KCNB2: variants seen among roughly 807,000 people sequenced by gnomAD.
KCNB2 encodes the protein delayed rectifier potassium channel protein.
Under a neutral mutation model 61.5 loss-of-function variants are expected in KCNB2, and 15 were observed. That is an observed-to-expected ratio of 0.24 (90% CI 0.16 to 0.38). KCNB2 has a LOEUF of 0.38. Ranked by LOEUF, KCNB2 falls within the 10% of genes least tolerant of loss-of-function variation. The probability of loss-of-function intolerance (pLI) is 1.00; values close to 1 mark genes in which losing one functional copy is unlikely to be tolerated. For synonymous variants in KCNB2, 457 were observed against 446.0 expected (o/e 1.02, Z -0.31); for missense variants, 828 against 1,125.2 (o/e 0.74, Z 3.78).
chr8:72,539,421 C>T (rs564201398), intron 1 of KCNB2, among the ~76,000 whole-genome samples: 8 of 152,260 alleles, frequency 5.3e-5, no homozygotes, highest in African/African-American at 1.4e-4. Flanking sequence ...TAATCCCCTC[C>T]CTCTTGCCTT....
chr8:72,591,718 A>G (rs1563532396), intron 2 of KCNB2, among the ~76,000 whole-genome samples: 1 of 152,158 alleles, frequency 6.6e-6, no homozygotes, highest in Non-Finnish European at 1.5e-5. Context: ...CTGAAGGGTA[A>G]TCAGACCAGA....
intron 2 of KCNB2, among the ~76,000 whole-genome samples, chr8:72,708,079 T>C (rs1807262016): frequency 6.6e-6 from 1 of 152,120 alleles, no homozygotes. Context: ...TGTGACACCA[T>C]AGCCCACTGC....
chr8:72,785,440 A>T (rs755957228), intron 2 of KCNB2, among the ~76,000 whole-genome samples: 17 of 152,324 alleles, frequency 1.1e-4, no homozygotes, highest in South Asian at 4.1e-4. Flanking sequence ...CATTGAGGAA[A>T]TAATAAAATA....
intron 2 of KCNB2, among the ~76,000 whole-genome samples, chr8:72,630,532 A>G (rs995108769): frequency 1.3e-4 from 20 of 152,230 alleles, no homozygotes; most frequent in Admixed American, 1.3e-3. Flanking sequence ...AGCAGCTTAA[A>G]CAGCAGAAAT....
chr8:72,757,992 A>C (rs1046769870), intron 2 of KCNB2, among the ~76,000 whole-genome samples: 3 of 152,204 alleles, frequency 2.0e-5, no homozygotes, highest in African/African-American at 7.2e-5. Context: ...TCAAAGGCAT[A>C]ATAAGGAGAC....
intron 2 of KCNB2, among the ~76,000 whole-genome samples, chr8:72,605,858 T>C (rs1485237489): frequency 5.3e-5 from 8 of 152,132 alleles, no homozygotes; most frequent in Non-Finnish European, 7.4e-5. Flanking sequence ...CTTTTTAGGC[T>C]AACTTTTTGA....
Position 72,665,942 on chromosome 8 carries a change from A to G in KCNB2, c.579+97629A>G, listed in dbSNP as rs932103991. On this transcript the variant is annotated intron_variant, in intron 2 of 2. Coordinates refer to ENST00000523207, the MANE Select transcript of KCNB2 (RefSeq NM_004770.3). ...TTATCACAGCAAATGAGGCGGGTGG[A>G]GTTGTACACACTTGGAGAGGAGGGA... Among the ~76,000 whole-genome samples, 5 of 152,320 alleles carry G rather than the reference A, an allele frequency of 3.3e-5. No individual in the cohort carries two copies. The East Asian group carries it at 9.7e-4, about 29-fold the overall frequency.
intron 2 of KCNB2, among the ~76,000 whole-genome samples, chr8:72,894,430 G>A (rs542027651): frequency 6.6e-6 from 1 of 152,198 alleles, no homozygotes; most frequent in Admixed American, 6.5e-5. Flanking sequence ...AGGGTTTTAA[G>A]ATGAGGGATG....
intron 2 of KCNB2, among the ~76,000 whole-genome samples, chr8:72,730,732 A>G (rs2128993488): frequency 6.6e-6 from 1 of 152,330 alleles, no homozygotes; most frequent in East Asian, 1.9e-4. Context: ...GAGAAAGAAT[A>G]TAGCATATAA....
chr8:72,922,571 A>C lies in KCNB2; in HGVS notation c.580-13364A>C, dbSNP rs184594724. 1.8e-3 allele frequency among the ~76,000 whole-genome samples: 270 copies of C among 152,352 alleles called. 1 individual carries two copies. The highest frequency in any genetic ancestry group is 2.2e-3 in the Non-Finnish European group (149 of 68,034). Reference sequence around the variant, plus strand: ...TGGAGCATCACTGATGTGTCCTCACATGGTGGAAAAGGCAGGAATGCTCTC... The same window carrying C: ...TGGAGCATCACTGATGTGTCCTCACCTGGTGGAAAAGGCAGGAATGCTCTC... On this transcript the variant is annotated intron_variant, in intron 2 of 2. Coordinates refer to ENST00000523207, the MANE Select transcript of KCNB2 (RefSeq NM_004770.3).
rs55696554 is a variant in KCNB2 at position 72,851,826 on chromosome 8, G to GAAAA, written c.580-84090_580-84087dup. ...TTTTTTTTTAATGTAGAAGCTGTAGGAAAAAAAAAAAAAAAAAAAAAACAC... is the reference window on the plus strand; with the variant it reads ...TTTTTTTTTAATGTAGAAGCTGTAGGAAAAAAAAAAAAAAAAAAAAAAAAAACAC... On this transcript the variant is annotated intron_variant, in intron 2 of 2. Transcript: ENST00000523207. Among the ~76,000 whole-genome samples, 151 of 43,852 alleles carry GAAAA rather than the reference G, an allele frequency of 3.4e-3. 18 individuals carry two copies. Among genetic ancestry groups the GAAAA allele is most frequent in the Admixed American group, 0.016 (37 of 2,368 alleles). The allele number at this position is 43,852 out of a possible 152,430, so 28.8% of individuals were successfully genotyped here. A position where few individuals can be genotyped will look rare whatever the true frequency, so the allele number is the denominator to read the frequency against.
At chr8:72,740,393 G>A (rs1039702347) in intron 2 of KCNB2, among the ~76,000 whole-genome samples, 1 of 152,238 alleles carries the variant, frequency 6.6e-6, no homozygotes, top group South Asian at 2.1e-4. Flanking sequence ...AGCTCTCAAC[G>A]TAACTGGCTA....
intron 2 of KCNB2, among the ~76,000 whole-genome samples, chr8:72,606,540 A>G (rs1168877141): frequency 6.6e-6 from 1 of 152,194 alleles, no homozygotes; most frequent in African/African-American, 2.4e-5. Context: ...ACCATCAGAA[A>G]CAAACAGGCC....
In KCNB2 at chr8:72,931,100, A is replaced by T. The variant is rs374113636; in HGVS notation, c.580-4835A>T. ...TTTTGTCAGGTTTGTCAAAGATCAG[A>T]TAGTTGTAGATGTGTGGTATTATTT... On this transcript the variant is annotated intron_variant, in intron 2 of 2. Transcript: ENST00000523207. 1.5e-3 allele frequency among the ~76,000 whole-genome samples: 224 copies of T among 152,322 alleles called. 4 individuals carry two copies. The East Asian group carries it at 0.02, about 14-fold the overall frequency.
intron 2 of KCNB2, among the ~76,000 whole-genome samples, chr8:72,586,237 T>G (rs1806998878): frequency 6.6e-6 from 1 of 152,204 alleles, no homozygotes; most frequent in Admixed American, 6.5e-5. Flanking sequence ...CATTACCGTG[T>G]GTCAACTCCA....
chr8:72,679,029 A>AT (rs1445854955), intron 2 of KCNB2, among the ~76,000 whole-genome samples: 3 of 151,974 alleles, frequency 2.0e-5, no homozygotes, highest in Non-Finnish European at 2.9e-5. Context: ...TCAATGAATG[A>AT]TTTTTTTAAT....
At chr8:72,689,211 T>C (rs192860686) in intron 2 of KCNB2, among the ~76,000 whole-genome samples, 152 of 152,336 alleles carry the variant, frequency 1.0e-3, no homozygotes, top group African/African-American at 3.5e-3. Flanking sequence ...CTAACTGTTA[T>C]GTGACAAGCA....
chr8:72,590,395 A>C (rs1807076005), intron 2 of KCNB2, among the ~76,000 whole-genome samples: 1 of 152,114 alleles, frequency 6.6e-6, no homozygotes, highest in African/African-American at 2.4e-5. Context: ...GAACATTGGA[A>C]TCAAAAAGGA....
At chr8:72,834,355 G>A (rs1210029397) in intron 2 of KCNB2, among the ~76,000 whole-genome samples, 2 of 152,140 alleles carry the variant, frequency 1.3e-5, no homozygotes, top group East Asian at 3.8e-4. Context: ...TTGCTACAGG[G>A]GGAGGAAAGC....
Sources: gnomAD v4.1 joint callset for allele counts (sites outside exome capture counted in the v4.1 genomes callset) on GRCh38, gnomAD v4.1.1 for gene constraint, MANE v1.5 for transcripts, NCBI Gene and HGNC (gene_info 2026-07-23, HGNC 2026-07-21) for gene names.